PDE3A: variants seen among roughly 807,000 people sequenced by gnomAD.
PDE3A encodes cGMP-inhibited 3',5'-cyclic phosphodiesterase 3A.
PDE3A carries 43 observed loss-of-function variants against 98.3 expected under a neutral mutation model. The ratio of observed to expected loss-of-function variants is 0.44; its 90% CI spans 0.34 to 0.56. The LOEUF (loss-of-function observed/expected upper bound fraction) is 0.56, where lower values mean the gene tolerates loss of function less well. PDE3A is among the 20% of genes least tolerant of loss of function. The pLI is 0.01. For synonymous variants in PDE3A, 663 were observed against 567.9 expected, an observed-to-expected ratio of 1.17 and a Z score of -2.38; for missense variants, 1,427 against 1,440.7, an observed-to-expected ratio of 0.99 and a Z score of 0.15.
chr12:20,440,716 C>G (rs1407149052), intron 1 of PDE3A, among the ~76,000 whole-genome samples: 1 of 152,040 alleles, frequency 6.6e-6, no homozygotes, highest in Non-Finnish European at 1.5e-5. Flanking sequence ...TTACAAGGAT[C>G]CTTATCTAGT....
chr12:20,409,241 A>G lies in PDE3A; in HGVS notation c.960+38997A>G, dbSNP rs996230811. ...TAGTTGTTATATTTGTAAGTCAGCG[A>G]CACAGGTTGAAGCCACAAGCAATAT... On this transcript the variant is annotated intron_variant, in intron 1 of 15. Coordinates refer to ENST00000359062, the MANE Select transcript of PDE3A (RefSeq NM_000921.5). Among the ~76,000 whole-genome samples the G allele has an allele frequency of 3.5e-4, 54 of 152,322 alleles. 1 individual carries two copies. The highest frequency in any genetic ancestry group is 1.3e-3 in the African/African-American group (53 of 41,576).
chr12:20,417,653 G>C (rs1944442836), intron 1 of PDE3A, among the ~76,000 whole-genome samples: 2 of 152,152 alleles, frequency 1.3e-5, no homozygotes, highest in African/African-American at 4.8e-5. Context: ...TTAAAGCCTT[G>C]TGATTGCCCT....
intron 1 of PDE3A, among the ~76,000 whole-genome samples, chr12:20,498,270 G>A (rs762840636): frequency 2.7e-5 from 4 of 150,746 alleles, no homozygotes; most frequent in South Asian, 2.1e-4. Flanking sequence ...AAAATATACC[G>A]CCCACCCCCC....
intron 2 of PDE3A, among the ~76,000 whole-genome samples, chr12:20,598,330 C>T (rs1289867637): frequency 6.6e-6 from 1 of 151,834 alleles, no homozygotes; most frequent in Non-Finnish European, 1.5e-5. Flanking sequence ...TTACAGGCTC[C>T]CACCACCACG....
At chr12:20,672,903 T>A in intron 15 of PDE3A, among the ~76,000 whole-genome samples, 2 of 138,994 alleles carry the variant, frequency 1.4e-5, no homozygotes, top group Non-Finnish European at 1.5e-5. Context: ...ACCATCAGAG[T>A]GAACAGGCAA....
In PDE3A at chr12:20,395,688, T is replaced by TTATATA. The variant is rs5796857; in HGVS notation, c.960+25456_960+25461dup. Among the ~76,000 whole-genome samples, 249 of 143,412 alleles carry TTATATA rather than the reference T, an allele frequency of 1.7e-3. 2 individuals are homozygous for TTATATA. Among genetic ancestry groups the TTATATA allele is most frequent in the African/African-American group, 6.0e-3 (236 of 39,452 alleles). The allele number at this position is 143,412 out of a possible 152,430, so 94.1% of individuals were successfully genotyped here. On this transcript the variant is annotated intron_variant, in intron 1 of 15. Transcript: ENST00000359062. Reference sequence around the variant, plus strand: ...ACTACATATAACTAGAATAGAATCATTATATATATATATATATCTCTAGCA... The same window carrying TTATATA: ...ACTACATATAACTAGAATAGAATCATTATATATATATATATATATATATCTCTAGCA...
intron 1 of PDE3A, among the ~76,000 whole-genome samples, chr12:20,405,024 G>A (rs1352497406): frequency 1.3e-5 from 2 of 151,774 alleles, no homozygotes; most frequent in Non-Finnish European, 2.9e-5. Flanking sequence ...TTGAGAGAGA[G>A]AATGAATATA....
At position 20,412,607 on chromosome 12, in the gene PDE3A, T is replaced by A. The variant is rs59584690; in HGVS notation, c.960+42363T>A. Among the ~76,000 whole-genome samples the A allele has an allele frequency of 4.7e-3, 716 of 152,278 alleles. 6 individuals carry two copies. Among genetic ancestry groups the A allele is most frequent in the African/African-American group, 0.016 (680 of 41,548 alleles). On this transcript the variant is annotated intron_variant, in intron 1 of 15. Coordinates refer to ENST00000359062, the MANE Select transcript of PDE3A (RefSeq NM_000921.5). The stretch of plus-strand genomic sequence containing the variant: ...ATTGGCAATAGGATTTAGAATGCTG[T>A]TATGGCACATGAGATGCTCCACATC...
At chr12:20,512,437 TG>T (rs1946244348) in intron 1 of PDE3A, among the ~76,000 whole-genome samples, 1 of 152,116 alleles carries the variant, frequency 6.6e-6, no homozygotes, top group Non-Finnish European at 1.5e-5. Flanking sequence ...AGTACTATTT[TG>T]ATTTGTCAAA....
chr12:20,577,770 A>C (rs1293728921), intron 2 of PDE3A, among the ~76,000 whole-genome samples: 1 of 152,192 alleles, frequency 6.6e-6, no homozygotes, highest in Non-Finnish European at 1.5e-5. Flanking sequence ...ACAGAAATGG[A>C]ATTTAACACA....
intron 4 of PDE3A, among the ~76,000 whole-genome samples, chr12:20,619,693 T>C (rs558549069): frequency 6.6e-6 from 1 of 152,234 alleles, no homozygotes; most frequent in South Asian, 2.1e-4. Context: ...GAGGAAGATG[T>C]CAAAGAAATA....
chr12:20,499,770 C>T (rs1945988034), intron 1 of PDE3A, among the ~76,000 whole-genome samples: 1 of 152,086 alleles, frequency 6.6e-6, no homozygotes, highest in Non-Finnish European at 1.5e-5. Flanking sequence ...TGTATATAAC[C>T]TGCATATATT....
rs1477193067 is a variant in PDE3A at position 20,369,998 on chromosome 12, T to C, written c.714T>C (p.Pro238=). Residue 238 remains proline, a synonymous_variant, in exon 1 of 16, where the codon CCT becomes CCC. Transcript: ENST00000359062. ...AGAGGTTCAAGGTCGCCTGGAGACCTTACCTGGCGTACCTGGCCGGCGTGC... is the reference window on the plus strand; with the variant it reads ...AGAGGTTCAAGGTCGCCTGGAGACCCTACCTGGCGTACCTGGCCGGCGTGC... The part of the protein sequence containing the change: ...SLERFKVAWR[P]YLAYLAGVLG... 2.5e-6 allele frequency: 4 copies of C among 1,613,098 alleles called. No individual in the cohort carries two copies. The highest frequency in any genetic ancestry group is 3.4e-6 in the Non-Finnish European group (4 of 1,179,940).
At chr12:20,476,013 A>G (rs939606579) in intron 1 of PDE3A, among the ~76,000 whole-genome samples, 6 of 152,308 alleles carry the variant, frequency 3.9e-5, no homozygotes, top group Non-Finnish European at 8.8e-5. Context: ...GCTACAAGTT[A>G]TGTAGTTCAT....
intron 1 of PDE3A, among the ~76,000 whole-genome samples, chr12:20,523,119 A>G (rs1391767505): frequency 3.3e-5 from 5 of 152,058 alleles, no homozygotes; most frequent in Non-Finnish European, 2.9e-5. Flanking sequence ...ATGATAAGTA[A>G]TATTTTGCTA....
At chr12:20,429,469 T>C (rs897443315) in intron 1 of PDE3A, among the ~76,000 whole-genome samples, 2 of 152,196 alleles carry the variant, frequency 1.3e-5, no homozygotes, top group Non-Finnish European at 2.9e-5. Context: ...ACATTTTGAA[T>C]GCAAGGCTGT....
chr12:20,583,469 C>T (rs780662491), intron 2 of PDE3A, among the ~76,000 whole-genome samples: 2 of 151,970 alleles, frequency 1.3e-5, no homozygotes, highest in Admixed American at 6.6e-5. Context: ...ATAAGAATAG[C>T]GTTAAACTGG....
intron 1 of PDE3A, among the ~76,000 whole-genome samples, chr12:20,489,673 CCT>C (rs1491529292): frequency 6.6e-6 from 1 of 152,094 alleles, no homozygotes; most frequent in Non-Finnish European, 1.5e-5. Context: ...TAGTTAATCC[CCT>C]TTTTTGCCTC....
chr12:20,386,171 A>G (rs1943790744), intron 1 of PDE3A, among the ~76,000 whole-genome samples: 1 of 96,422 alleles, frequency 1.0e-5, no homozygotes, highest in Non-Finnish European at 1.9e-5. Context: ...ATAAATATAT[A>G]AAAATATATA....
Sources: gnomAD v4.1 joint callset for allele counts (sites outside exome capture counted in the v4.1 genomes callset) on GRCh38, gnomAD v4.1.1 for gene constraint, MANE v1.5 for transcripts, NCBI Gene and HGNC (gene_info 2026-07-23, HGNC 2026-07-21) for gene names.